PKHD1: variants seen among roughly 807,000 people sequenced by gnomAD.
PKHD1 encodes fibrocystin.
In PKHD1, 291 loss-of-function variants were observed where a neutral mutation model predicts 412.0. That is an observed-to-expected ratio of 0.71 (90% confidence interval 0.64 to 0.78). PKHD1 has a LOEUF of 0.78. Ranked by LOEUF, PKHD1 falls within the 30% of genes least tolerant of loss-of-function variation. The pLI, the probability that PKHD1 is intolerant of heterozygous loss-of-function variation, is 0.00. For synonymous variants in PKHD1, 1,777 were observed against 1,821.5 expected, an observed-to-expected ratio of 0.98 and a Z score of 0.62; for missense variants, 4,825 against 4,950.7, an observed-to-expected ratio of 0.97 and a Z score of 0.76.
rs868399166 is a variant in PKHD1 at position 51,838,671 on chromosome 6, G to A, written c.8108-2202C>T. On this transcript the variant is annotated intron_variant, in intron 50 of 66. Coordinates refer to ENST00000371117, the MANE Select transcript of PKHD1 (RefSeq NM_138694.4). ...GGGGGCAGATGAGTATGAGACAGAG[G>A]GCTATCTCTTCCCAAACACCATTTC... Among the ~76,000 whole-genome samples, 17 of 152,198 alleles carry A rather than the reference G, an allele frequency of 1.1e-4. No homozygotes were observed. In the South Asian group the frequency reaches 2.1e-3, roughly 19 times the overall value.
intron 52 of PKHD1, among the ~76,000 whole-genome samples, chr6:51,809,260 A>AT (rs1554254851): frequency 2.0e-5 from 3 of 151,850 alleles, no homozygotes; most frequent in African/African-American, 4.8e-5. Context: ...ACACAACAGA[A>AT]TTTTTTTTAG....
At chr6:51,953,148 C>A (rs981135943) in intron 36 of PKHD1, among the ~76,000 whole-genome samples, 6 of 152,034 alleles carry the variant, frequency 3.9e-5, no homozygotes, top group African/African-American at 1.4e-4. Flanking sequence ...TGAAGGGTAG[C>A]TACGTTTTGA....
At chr6:51,763,459 T>A (rs1278332747) in intron 55 of PKHD1, among the ~76,000 whole-genome samples, 4 of 152,158 alleles carry the variant, frequency 2.6e-5, no homozygotes, top group Non-Finnish European at 5.9e-5. Context: ...GAAAAATCCA[T>A]TCATATGGTT....
intron 34 of PKHD1, among the ~76,000 whole-genome samples, chr6:52,015,794 A>G (rs1402931391): frequency 2.6e-5 from 4 of 152,230 alleles, no homozygotes; most frequent in Middle Eastern, 3.4e-3. Flanking sequence ...ACTGCACTCC[A>G]GCCTGGGCAA....
chr6:51,897,478 C>T (rs1344738763), intron 43 of PKHD1, among the ~76,000 whole-genome samples: 7 of 150,738 alleles, frequency 4.6e-5, no homozygotes, highest in African/African-American at 2.5e-5. Context: ...GATTTTGTCA[C>T]CACCAGGCCT....
In PKHD1 at chr6:51,912,435, T is replaced by G. The variant is rs769590135; in HGVS notation, c.6263A>C (p.Lys2088Thr). The change falls in exon 38 of 67, where the codon AAA (lysine) becomes ACA (threonine). Residue 2088 changes from lysine (K) to threonine (T), a missense_variant. Transcript: ENST00000371117. ...IISGTGVKGA[K>T]PMEEIVTVET... ...CACAGTGACAATCTCTTCCATCGGT[T>G]TGGCACCTTTAACACCTGTTCCACT... 1 of 1,613,278 alleles carries G rather than the reference T, an allele frequency of 6.2e-7. No homozygotes were observed. Among genetic ancestry groups the G allele is most frequent in the South Asian group, 1.1e-5 (1 of 91,070 alleles).
rs1771514597 is a variant in PKHD1 at position 51,847,978 on chromosome 6, T to C, written c.7912-8A>G. The C allele has an allele frequency of 6.2e-7, 1 of 1,604,772 alleles. No individual in the cohort carries two copies. The highest frequency in any genetic ancestry group is 8.5e-7 in the Non-Finnish European group (1 of 1,171,742). ...GTCAAAGGTTGCTGAGTACTTGAAG[T>C]GAAAGAAAAACACAATAGTGCTCAT... On this transcript the variant is annotated splice_region_variant and splice_polypyrimidine_tract_variant and intron_variant, in intron 49 of 66. Transcript: ENST00000371117.
chr6:51,791,376 G>T lies in PKHD1; in HGVS notation c.8303-3C>A. Reference sequence around the variant, plus strand: ...TGTATCCACAAGGACAGTTCTGTCTGTGGAAGAAAAAGAAATTGCTCAGAT... The same window carrying T: ...TGTATCCACAAGGACAGTTCTGTCTTTGGAAGAAAAAGAAATTGCTCAGAT... On this transcript the variant is annotated splice_region_variant and splice_polypyrimidine_tract_variant and intron_variant, in intron 52 of 66. Transcript: ENST00000371117. 6.2e-7 allele frequency: 1 copy of T among 1,613,396 alleles called. No individual in the cohort carries two copies. The highest frequency in any genetic ancestry group is 1.1e-5 in the South Asian group (1 of 91,074).
intron 53 of PKHD1, among the ~76,000 whole-genome samples, chr6:51,787,949 T>C (rs1408349355): frequency 6.6e-6 from 1 of 152,178 alleles, no homozygotes; most frequent in African/African-American, 2.4e-5. Flanking sequence ...TATCTCTCAA[T>C]TAATTGGATG....
intron 6 of PKHD1, among the ~76,000 whole-genome samples, chr6:52,073,916 G>A (rs375533910): frequency 6.6e-5 from 10 of 152,086 alleles, no homozygotes; most frequent in African/African-American, 1.9e-4. Flanking sequence ...TACCCAACAC[G>A]AGATTTAAGG....
At chr6:51,770,598 CT>C (rs1013692018) in intron 55 of PKHD1, among the ~76,000 whole-genome samples, 1 of 150,754 alleles carries the variant, frequency 6.6e-6, no homozygotes, top group African/African-American at 2.4e-5. Flanking sequence ...TTAAATATAC[CT>C]TTTTTGTTGC....
chr6:51,950,220 A>AAAAAAAAAAAATATATATAT, intron 36 of PKHD1, among the ~76,000 whole-genome samples: 13 of 98,298 alleles, frequency 1.3e-4, no homozygotes, highest in Non-Finnish European at 1.8e-4. Flanking sequence ...GAAAAAAAAA[A>AAAAAAAAAAAATATATATAT]ATATATATAT....
intron 35 of PKHD1, among the ~76,000 whole-genome samples, chr6:51,963,522 G>A (rs912352113): frequency 5.9e-5 from 9 of 152,122 alleles, no homozygotes; most frequent in Middle Eastern, 3.2e-3. Context: ...GGAAATAGAA[G>A]AGCAGCATAT....
chr6:52,059,850 C>A (rs1339664395), intron 15 of PKHD1, 78 bp downstream of exon 15: 1 of 784,574 alleles, frequency 1.3e-6, no homozygotes, highest in Non-Finnish European at 2.3e-6. Context: ...AACATGAGAG[C>A]CTTAACTTTG....
At chr6:52,083,911 T>C (rs1864388) in intron 2 of PKHD1, among the ~76,000 whole-genome samples, 3,898 of 152,176 alleles carry the variant, frequency 0.026, 78 homozygotes, top group South Asian at 0.083. Context: ...TCTAGATTCT[T>C]GCCTTGCCTG....
intron 52 of PKHD1, among the ~76,000 whole-genome samples, chr6:51,822,052 A>T (rs1766528548): frequency 6.6e-6 from 1 of 152,180 alleles, no homozygotes; most frequent in African/African-American, 2.4e-5. Context: ...AGCTATACAC[A>T]TTAACCAGTT....
At chr6:52,055,763 C>T (rs748659727) in intron 18 of PKHD1, 34 bp from the exon 19 acceptor site, 2 of 1,610,456 alleles carry the variant, frequency 1.2e-6, no homozygotes, top group Non-Finnish European at 1.7e-6. Flanking sequence ...GAAAGGCAGG[C>T]ATAGATATTA....
chr6:51,843,285 C>T (rs1045513745), intron 50 of PKHD1, among the ~76,000 whole-genome samples: 3 of 152,138 alleles, frequency 2.0e-5, no homozygotes, highest in Non-Finnish European at 4.4e-5. Flanking sequence ...GGGGTGTCAG[C>T]AGATGTAGCC....
chr6:51,925,607 T>C (rs1246305552), intron 37 of PKHD1, among the ~76,000 whole-genome samples: 1 of 152,136 alleles, frequency 6.6e-6, no homozygotes, highest in Non-Finnish European at 1.5e-5. Context: ...GAGTATGAAG[T>C]AACTTGAACT....
Sources: gnomAD v4.1 joint callset for allele counts (sites outside exome capture counted in the v4.1 genomes callset) on GRCh38, gnomAD v4.1.1 for gene constraint, MANE v1.5 for transcripts, NCBI Gene and HGNC (gene_info 2026-07-23, HGNC 2026-07-21) for gene names.